The following TMEM156 variants were observed in gnomAD, a reference collection of about 807,000 sequenced individuals.
TMEM156 encodes transmembrane protein 156.
A neutral mutation model predicts 30.5 loss-of-function variants in TMEM156; 28 were observed. That is an observed-to-expected ratio of 0.92 (90% confidence interval 0.68 to 1.26). TMEM156 has a LOEUF of 1.26. Ranked by LOEUF, TMEM156 falls within the 50% of genes most tolerant of loss-of-function variation. The pLI is 0.00. For synonymous variants in TMEM156, 137 were observed against 119.9 expected (o/e 1.14, Z -0.93); for missense variants, 351 against 340.6 (o/e 1.03, Z -0.24).
intron 1 of TMEM156, among the ~76,000 whole-genome samples, chr4:39,027,053 G>A (rs1032378147): frequency 6.6e-6 from 1 of 152,160 alleles, no homozygotes; most frequent in Admixed American, 6.5e-5. Flanking sequence ...GAATGATGCT[G>A]CGCCATGAAT....
At chr4:38,975,868 A>G (rs766127424) in intron 5 of TMEM156, among the ~76,000 whole-genome samples, 1 of 152,200 alleles carries the variant, frequency 6.6e-6, no homozygotes, top group Non-Finnish European at 1.5e-5. Flanking sequence ...TTTTACAGGT[A>G]TGACTAATAT....
intron 1 of TMEM156, among the ~76,000 whole-genome samples, chr4:39,002,808 C>A (rs1331385185): frequency 6.6e-6 from 1 of 151,148 alleles, no homozygotes; most frequent in Non-Finnish European, 1.5e-5. Context: ...ACCGCATATT[C>A]TCACTCATAG....
chr4:38,996,874 TAAAGAA>T (rs1173039930), intron 2 of TMEM156, among the ~76,000 whole-genome samples: 1 of 151,776 alleles, frequency 6.6e-6, no homozygotes, highest in Admixed American at 6.6e-5. Flanking sequence ...AATGAGTAGA[TAAAGAA>T]AAAGTAAACT....
chr4:39,014,312 T>C (rs1714335175), intron 1 of TMEM156, among the ~76,000 whole-genome samples: 1 of 152,118 alleles, frequency 6.6e-6, no homozygotes, highest in Non-Finnish European at 1.5e-5. Flanking sequence ...GACTAACAGA[T>C]ATATAGGCAG....
At chr4:38,990,611 G>T (rs1328814180) in intron 3 of TMEM156, among the ~76,000 whole-genome samples, 1 of 152,110 alleles carries the variant, frequency 6.6e-6, no homozygotes, top group African/African-American at 2.4e-5. Flanking sequence ...CTAGGGTCCT[G>T]TGCTGCCCAC....
intron 1 of TMEM156, among the ~76,000 whole-genome samples, chr4:39,020,919 A>G (rs1456238503): frequency 1.3e-5 from 2 of 152,122 alleles, no homozygotes; most frequent in African/African-American, 2.4e-5. Flanking sequence ...TTCCCACAAC[A>G]GTATACAAGG....
intron 3 of TMEM156, among the ~76,000 whole-genome samples, chr4:38,992,694 T>TTATATAATATATATATATTATATA (rs1712569337): frequency 2.3e-5 from 1 of 43,966 alleles, no homozygotes; most frequent in Admixed American, 2.5e-4. Context: ...ATATAATATA[T>TTATATAATATATATATATTATATA]TATATAATAT....
chr4:39,005,613 G>T (rs1443781800), intron 1 of TMEM156, among the ~76,000 whole-genome samples: 1 of 152,182 alleles, frequency 6.6e-6, no homozygotes, highest in Non-Finnish European at 1.5e-5. Flanking sequence ...AGGAGTGATA[G>T]AAAGTGTTAT....
intron 1 of TMEM156, among the ~76,000 whole-genome samples, chr4:39,019,008 G>C (rs911342362): frequency 1.4e-5 from 2 of 138,028 alleles, no homozygotes; most frequent in Admixed American, 1.5e-4. Context: ...GCGACAGAGC[G>C]AGACTCCATC....
intron 1 of TMEM156, among the ~76,000 whole-genome samples, chr4:39,006,958 C>A (rs372165395): frequency 6.6e-6 from 1 of 151,242 alleles, no homozygotes; most frequent in Admixed American, 6.6e-5. Flanking sequence ...AACAAACAAA[C>A]AAAAAAACAA....
At chr4:39,013,099 G>C (rs1714230941) in intron 1 of TMEM156, among the ~76,000 whole-genome samples, 1 of 151,722 alleles carries the variant, frequency 6.6e-6, no homozygotes, top group Admixed American at 6.6e-5. Flanking sequence ...AGGAGTTCGC[G>C]GCCAGTCTGG....
chr4:39,004,633 A>G (rs1713602922), intron 1 of TMEM156, among the ~76,000 whole-genome samples: 1 of 152,128 alleles, frequency 6.6e-6, no homozygotes, highest in African/African-American at 2.4e-5. Context: ...ATGTTGATAC[A>G]TAGAGCTGTA....
intron 1 of TMEM156, among the ~76,000 whole-genome samples, chr4:39,025,345 CAAAAA>C (rs59380844): frequency 9.1e-5 from 6 of 65,780 alleles, no homozygotes; most frequent in African/African-American, 4.0e-4. Context: ...AAGACTGTCT[CAAAAA>C]AAAAAAAAAA....
At chr4:38,979,385 C>T (rs1308551063) in intron 5 of TMEM156, among the ~76,000 whole-genome samples, 1 of 152,218 alleles carries the variant, frequency 6.6e-6, no homozygotes, top group Non-Finnish European at 1.5e-5. Context: ...TTTCGCAAAG[C>T]TAGTGTGGCT....
At chr4:38,978,756 A>G (rs1723023443) in intron 5 of TMEM156, among the ~76,000 whole-genome samples, 1 of 152,174 alleles carries the variant, frequency 6.6e-6, no homozygotes, top group South Asian at 2.1e-4. Context: ...AAATGGGGAG[A>G]AAGTCTCAAG....
chr4:39,018,033 C>G (rs2110044268), intron 1 of TMEM156, among the ~76,000 whole-genome samples: 2 of 152,098 alleles, frequency 1.3e-5, no homozygotes, highest in Middle Eastern at 6.8e-3. Context: ...ATTATTAATG[C>G]TTCCTATTTG....
chr4:38,985,447 C>A (rs1489022350), intron 5 of TMEM156, among the ~76,000 whole-genome samples: 3 of 152,148 alleles, frequency 2.0e-5, no homozygotes, highest in Non-Finnish European at 4.4e-5. Flanking sequence ...AAATGGCTAA[C>A]AAAAGCCCCC....
chr4:39,027,172 T>A (rs1157540530), intron 1 of TMEM156, among the ~76,000 whole-genome samples: 2 of 152,158 alleles, frequency 1.3e-5, no homozygotes, highest in Non-Finnish European at 2.9e-5. Flanking sequence ...AATAAAAAAA[T>A]TGTTTAAATA....
intron 5 of TMEM156, among the ~76,000 whole-genome samples, chr4:38,976,890 TTTG>T (rs61299459): frequency 0.055 from 8,364 of 151,266 alleles, 345 homozygotes; most frequent in Middle Eastern, 0.15. Context: ...ACATTGTTCT[TTTG>T]TTGTTGTTGT....
Sources: gnomAD v4.1 joint callset for allele counts (sites outside exome capture counted in the v4.1 genomes callset) on GRCh38, gnomAD v4.1.1 for gene constraint, MANE v1.5 for transcripts, NCBI Gene and HGNC (gene_info 2026-07-23, HGNC 2026-07-21) for gene names.